Variants in EPB41L2 observed in about 807,000 individuals in gnomAD.
EPB41L2 encodes band 4.1-like protein 2.
EPB41L2 carries 43 observed loss-of-function variants against 113.0 expected under a neutral mutation model. The ratio of observed to expected loss-of-function variants is 0.38; its 90% CI spans 0.30 to 0.49. The LOEUF (loss-of-function observed/expected upper bound fraction) is 0.49, where lower values mean the gene tolerates loss of function less well. EPB41L2 is among the 20% of genes least tolerant of loss of function. The probability of loss-of-function intolerance (pLI) is 0.95; values close to 1 mark genes in which losing one functional copy is unlikely to be tolerated. For missense variants in EPB41L2, 1,147 were observed against 1,223.4 expected, an observed-to-expected ratio of 0.94 and a Z score of 0.93; for synonymous variants, 442 against 436.7, an observed-to-expected ratio of 1.01 and a Z score of -0.15.
At chr6:130,867,844 G>A in intron 15 of EPB41L2, 2 of 372,952 alleles carry the variant, frequency 5.4e-6, no homozygotes, top group Non-Finnish European at 1.0e-5. Context: ...ACACATATAT[G>A]AAAAATAAGT....
intron 3 of EPB41L2, among the ~76,000 whole-genome samples, chr6:130,929,780 A>C (rs1478122702): frequency 2.6e-5 from 4 of 151,646 alleles, no homozygotes; most frequent in Non-Finnish European, 5.9e-5. Flanking sequence ...GCACAACAAC[A>C]ATCTTTTGCT....
intron 19 of EPB41L2, among the ~76,000 whole-genome samples, chr6:130,855,505 C>A (rs923393376): frequency 6.6e-6 from 1 of 152,016 alleles, no homozygotes; most frequent in Non-Finnish European, 1.5e-5. Flanking sequence ...CCATTATATA[C>A]CCTGTGTTTA....
chr6:131,021,219 C>T (rs1789403783), intron 1 of EPB41L2, among the ~76,000 whole-genome samples: 2 of 152,198 alleles, frequency 1.3e-5, no homozygotes, highest in African/African-American at 4.8e-5. Flanking sequence ...CAACAAACAT[C>T]ATTTCAAGAC....
intron 1 of EPB41L2, among the ~76,000 whole-genome samples, chr6:130,984,844 G>A (rs1780171638): frequency 6.6e-6 from 1 of 152,138 alleles, no homozygotes; most frequent in Non-Finnish European, 1.5e-5. Flanking sequence ...TTGGGACCAA[G>A]AGATTACTAT....
rs1801145179 is a variant in EPB41L2, at chr6:130,916,523, C to T, written c.811-7660G>A. Among the ~76,000 whole-genome samples the T allele has an allele frequency of 3.3e-5, 5 of 152,192 alleles. No homozygotes were observed. In the South Asian group the frequency reaches 1.0e-3, roughly 32 times the overall value. On this transcript the variant is annotated intron_variant, in intron 4 of 19. Coordinates refer to ENST00000337057, the MANE Select transcript of EPB41L2 (RefSeq NM_001431.4). ...ACCTCAGAATAATGGTCCAAATGTCCATATTTGGGGAACGGCCTAACTCTT... is the reference window on the plus strand; with the variant it reads ...ACCTCAGAATAATGGTCCAAATGTCTATATTTGGGGAACGGCCTAACTCTT...
intron 1 of EPB41L2, among the ~76,000 whole-genome samples, chr6:131,034,988 A>C (rs1419490757): frequency 6.6e-6 from 1 of 152,214 alleles, no homozygotes; most frequent in Non-Finnish European, 1.5e-5. Context: ...GCCTGACTAC[A>C]AAAGGACAAT....
intron 19 of EPB41L2, among the ~76,000 whole-genome samples, chr6:130,853,491 C>T (rs375409506): frequency 5.3e-5 from 8 of 152,140 alleles, no homozygotes; most frequent in African/African-American, 1.2e-4. Flanking sequence ...TGGGCTAAGC[C>T]GGCAGGAGGG....
chr6:130,992,612 C>T (rs988619068), intron 1 of EPB41L2, among the ~76,000 whole-genome samples: 4 of 151,704 alleles, frequency 2.6e-5, no homozygotes, highest in African/African-American at 9.7e-5. Flanking sequence ...TGTATTTCTA[C>T]TGCTGAAATT....
chr6:131,060,005 T>C (rs9398973), intron 1 of EPB41L2, among the ~76,000 whole-genome samples: 22,828 of 152,220 alleles, frequency 0.15, 2,342 homozygotes, highest in East Asian at 0.43. Context: ...TTGATCCCTA[T>C]AAACTGTTTA....
At chr6:131,012,836 A>T (rs1345743813) in intron 1 of EPB41L2, among the ~76,000 whole-genome samples, 1 of 152,216 alleles carries the variant, frequency 6.6e-6, no homozygotes, top group Admixed American at 6.5e-5. Context: ...GTTTAGTAAA[A>T]ACATTAAAAC....
chr6:130,865,822 G>T, intron 16 of EPB41L2, 188 bp from the exon 17 acceptor site: 1 of 564,282 alleles, frequency 1.8e-6, no homozygotes, highest in Non-Finnish European at 3.1e-6. Flanking sequence ...AGGTGCACAT[G>T]GAGAAGCAAA....
Position 130,956,052 on chromosome 6 carries a change from T to C in EPB41L2, c.434A>G (p.Glu145Gly), listed in dbSNP as rs776214440. ...KKQEIKVEVK[E>G]EKPSVSKEEK... ...TTCCTTGCTCACTGAGGGTTTTTCT[T>C]CCTTGACTTCAACTTTAATCTCTTG... The change falls in exon 2 of 20, where the codon GAA (glutamate) becomes GGA (glycine). Residue 145 changes from glutamate to glycine, a missense_variant. By Grantham distance (98) the Glu-to-Gly change is moderately conservative. Coordinates refer to ENST00000337057, the MANE Select transcript of EPB41L2 (RefSeq NM_001431.4). The C allele has an allele frequency of 3.1e-6, 5 of 1,614,086 alleles. No homozygotes were observed. The highest frequency in any genetic ancestry group is 4.2e-6 in the Non-Finnish European group (5 of 1,180,026).
intron 14 of EPB41L2, chr6:130,876,759 A>G (rs1787699314): frequency 7.7e-7 from 1 of 1,303,752 alleles, no homozygotes; most frequent in Non-Finnish European, 1.0e-6. Context: ...ATCCTTGAAA[A>G]GATGGTCTCC....
At chr6:130,868,577 G>A (rs2128445404) in intron 15 of EPB41L2, 1 of 152,280 alleles carries the variant, frequency 6.6e-6, no homozygotes, top group East Asian at 1.9e-4. Flanking sequence ...CTTCTCTAAA[G>A]TGAAACAGAA....
At chr6:130,930,407 A>T (rs1214584204) in intron 3 of EPB41L2, among the ~76,000 whole-genome samples, 2 of 152,200 alleles carry the variant, frequency 1.3e-5, no homozygotes, top group East Asian at 3.9e-4. Context: ...CATTATGCTC[A>T]AAGAAAATGC....
chr6:130,863,808 A>G (rs1362976121), intron 17 of EPB41L2, 90 bp from the exon 18 acceptor site: 4 of 786,552 alleles, frequency 5.1e-6, no homozygotes, highest in African/African-American at 1.7e-5. Context: ...GTCCACCTAG[A>G]CCTGTGGATC....
At chr6:130,855,258 G>A (rs1779867354) in intron 19 of EPB41L2, among the ~76,000 whole-genome samples, 1 of 151,932 alleles carries the variant, frequency 6.6e-6, no homozygotes, top group South Asian at 2.1e-4. Context: ...GCTGAGGCAG[G>A]CAGAATTGCT....
At chr6:130,912,502 G>A (rs1376156631) in intron 4 of EPB41L2, among the ~76,000 whole-genome samples, 1 of 152,132 alleles carries the variant, frequency 6.6e-6, no homozygotes, top group Non-Finnish European at 1.5e-5. Flanking sequence ...TTCTAACACT[G>A]GTTATATTCA....
chr6:130,898,827 T>C (rs1317380767), intron 8 of EPB41L2, among the ~76,000 whole-genome samples: 1 of 152,226 alleles, frequency 6.6e-6, no homozygotes, highest in Non-Finnish European at 1.5e-5. Flanking sequence ...TAAATAACTT[T>C]TAAAATTATT....
Sources: gnomAD v4.1 joint callset for allele counts (sites outside exome capture counted in the v4.1 genomes callset) on GRCh38, gnomAD v4.1.1 for gene constraint, MANE v1.5 for transcripts, NCBI Gene and HGNC (gene_info 2026-07-23, HGNC 2026-07-21) for gene names.